The following WNK2 variants were observed in gnomAD, a reference collection of about 807,000 sequenced individuals.
WNK2 encodes the protein WNK lysine deficient protein kinase 2.
WNK2 carries 67 observed loss-of-function variants against 192.1 expected under a neutral mutation model. The ratio of observed to expected loss-of-function variants is 0.35; its 90% CI spans 0.29 to 0.43. The LOEUF (loss-of-function observed/expected upper bound fraction) is 0.43. Among genes scored for constraint, WNK2 ranks in the 20% least tolerant of loss-of-function variants. The probability of loss-of-function intolerance (pLI) is 1.00; values close to 1 mark genes in which losing one functional copy is unlikely to be tolerated. For synonymous variants in WNK2, 1,439 were observed against 1,393.9 expected (o/e 1.03, Z -0.72); for missense variants, 2,698 against 3,089.7 (o/e 0.87, Z 3.01).
chr9:93,219,539 G>A (rs1446388333), intron 2 of WNK2, among the ~76,000 whole-genome samples: 12 of 152,198 alleles, frequency 7.9e-5, no homozygotes, highest in South Asian at 4.1e-4. Flanking sequence ...CTTTTAGCTG[G>A]TGGTCTTCAT....
At chr9:93,205,729 G>C (rs1455785887) in intron 2 of WNK2, among the ~76,000 whole-genome samples, 1 of 152,240 alleles carries the variant, frequency 6.6e-6, no homozygotes, top group Non-Finnish European at 1.5e-5. Flanking sequence ...AGACGAAGCT[G>C]GGGGCAGCCT....
At chr9:93,185,742 T>G in intron 2 of WNK2, 132 bp downstream of exon 2, 1 of 1,065,888 alleles carries the variant, frequency 9.4e-7, no homozygotes, top group East Asian at 2.6e-5. Flanking sequence ...TGTCACCCTC[T>G]GTGTGGATGG....
chr9:93,297,014 C>T (rs1850672586), intron 23 of WNK2, among the ~76,000 whole-genome samples: 1 of 122,686 alleles, frequency 8.2e-6, no homozygotes, highest in Non-Finnish European at 1.7e-5. Flanking sequence ...CCTCCCCTCC[C>T]CATCCACCCC....
chr9:93,248,006 C>G (rs1842030404), intron 8 of WNK2, among the ~76,000 whole-genome samples, 172 bp downstream of exon 8: 1 of 152,256 alleles, frequency 6.6e-6, no homozygotes, highest in Non-Finnish European at 1.5e-5. Context: ...GAGCTGTCCT[C>G]ACGTAGCGTG....
intron 2 of WNK2, among the ~76,000 whole-genome samples, chr9:93,224,156 G>C (rs1381420184): frequency 6.6e-6 from 1 of 152,224 alleles, no homozygotes; most frequent in African/African-American, 2.4e-5. Context: ...AGCCTCACTG[G>C]TTCTGGGCAC....
chr9:93,201,382 C>T (rs1832325226), intron 2 of WNK2, among the ~76,000 whole-genome samples: 1 of 152,218 alleles, frequency 6.6e-6, no homozygotes, highest in East Asian at 1.9e-4. Context: ...CAGCTTGAGG[C>T]CCCTGCGTGC....
At chr9:93,238,813 G>A (rs550670818) in intron 6 of WNK2, among the ~76,000 whole-genome samples, 8 of 152,224 alleles carry the variant, frequency 5.3e-5, no homozygotes, top group African/African-American at 9.6e-5. Context: ...GCCTGGAACC[G>A]CTCCACAAAG....
chr9:93,189,776 G>A (rs966842020), intron 2 of WNK2, among the ~76,000 whole-genome samples: 6 of 152,252 alleles, frequency 3.9e-5, no homozygotes, highest in African/African-American at 1.4e-4. Context: ...CATGTCATGG[G>A]CCACGCAGCC....
At position 93,289,982 on chromosome 9, in the gene WNK2, A is replaced by G; in HGVS notation, c.4871A>G (p.Glu1624Gly). 3 of 1,570,692 alleles carry G rather than the reference A, an allele frequency of 1.9e-6. No homozygotes were observed. The highest frequency in any genetic ancestry group is 2.6e-6 in the Non-Finnish European group (3 of 1,156,888). Residue 1624 changes from glutamate to glycine, a missense_variant, in exon 21 of 30, where the codon GAG (glutamate) becomes GGG (glycine). Transcript: ENST00000427277. ...TTTTTGTGTTTCTTTCTCCAGGTGG[A>G]GAAGTCAGAACTGGCCCCCACTCGA... ...GRVQLPQPLV[E>G]KSELAPTRGA...
At chr9:93,319,473 C>T (rs1855246579) in intron 29 of WNK2, 4 of 942,626 alleles carry the variant, frequency 4.2e-6, no homozygotes, top group Non-Finnish European at 5.1e-6. Flanking sequence ...CTCTGCTGGT[C>T]GGGTTAGCTG....
rs1288387856 is a variant in WNK2, at chr9:93,292,506, G to C, written c.5041G>C (p.Val1681Leu). The C allele has an allele frequency of 6.3e-7, 1 of 1,596,182 alleles. No homozygotes were observed. The highest frequency in any genetic ancestry group is 1.7e-5 in the Admixed American group (1 of 59,008). The change falls in exon 23 of 30, where the codon GTG becomes CTG. Residue 1681 changes from valine (V) to leucine (L), a missense_variant. Physicochemically the swap from Val to Leu is conservative, Grantham distance 32. This residue lies in a region of WNK2 where 1,098 missense variants were observed against 1,101.0 expected (regional missense o/e 1.00). Transcript: ENST00000427277. ...GTTTCCCAAGGATGTACCTGCTTTT[G>C]TGAGACCTGCACGTGTGGAGCCCAC... ...PSVPQDVPAF[V>L]RPARVEPTDR...
intron 19 of WNK2, among the ~76,000 whole-genome samples, chr9:93,285,010 G>T (rs541789664): frequency 3.9e-5 from 6 of 152,298 alleles, no homozygotes; most frequent in African/African-American, 1.4e-4. Flanking sequence ...CTGAATGATT[G>T]TTCTGATCAA....
chr9:93,197,059 C>T (rs948390357), intron 2 of WNK2, among the ~76,000 whole-genome samples: 2 of 152,212 alleles, frequency 1.3e-5, no homozygotes, highest in Admixed American at 6.5e-5. Context: ...AAAGCTTTTT[C>T]CTCTCTGCCA....
chr9:93,306,872 C>T, intron 27 of WNK2, 51 bp downstream of exon 27: 1 of 1,612,794 alleles, frequency 6.2e-7, no homozygotes, highest in Non-Finnish European at 8.5e-7. Flanking sequence ...CATGGGCTTT[C>T]TCGTGGCTAG....
chr9:93,314,407 C>G (rs746474593), intron 28 of WNK2, among the ~76,000 whole-genome samples: 47 of 151,356 alleles, frequency 3.1e-4, no homozygotes, highest in Non-Finnish European at 6.3e-4. Context: ...GAGATAGTGC[C>G]ACTGCACTCC....
chr9:93,209,196 G>C, intron 2 of WNK2, among the ~76,000 whole-genome samples: 1 of 152,128 alleles, frequency 6.6e-6, no homozygotes, highest in Non-Finnish European at 1.5e-5. Context: ...AGGTAGGTGC[G>C]AGCACCTGGC....
chr9:93,234,362 A>T (rs573758105), intron 4 of WNK2, among the ~76,000 whole-genome samples: 1 of 152,206 alleles, frequency 6.6e-6, no homozygotes, highest in African/African-American at 2.4e-5. Context: ...TGGGACATTT[A>T]GGGGTTTTGT....
chr9:93,207,535 G>C (rs1364444127), intron 2 of WNK2, among the ~76,000 whole-genome samples: 1 of 152,340 alleles, frequency 6.6e-6, no homozygotes, highest in East Asian at 1.9e-4. Flanking sequence ...CAGGCTGGTT[G>C]GTTTGCGAGC....
Position 93,259,292 on chromosome 9 carries a change from C to T in WNK2, c.2744C>T (p.Ala915Val). 3 of 1,613,714 alleles carry T rather than the reference C, an allele frequency of 1.9e-6. No homozygotes were observed. The highest frequency in any genetic ancestry group is 2.5e-6 in the Non-Finnish European group (3 of 1,179,814). ...QLPGQPVYPAAFPQMAPTDVP... is the reference protein window; with the variant it reads ...QLPGQPVYPAVFPQMAPTDVP... Reference sequence around the variant, plus strand: ...CCAGGCCAACCTGTGTACCCAGCGGCCTTCCCACAGATGGCGCCTACTGAC... The same window carrying T: ...CCAGGCCAACCTGTGTACCCAGCGGTCTTCCCACAGATGGCGCCTACTGAC... Residue 915 changes from alanine to valine, a missense_variant, in exon 12 of 30, where the codon GCC becomes GTC. Coordinates refer to ENST00000427277, the MANE Select transcript of WNK2 (RefSeq NM_006648.4). The surrounding 1 kb of genome is among the most constrained non-coding windows in gnomAD (Gnocchi z 4.8).
Sources: gnomAD v4.1 joint callset for allele counts (sites outside exome capture counted in the v4.1 genomes callset) on GRCh38, gnomAD v4.1.1 for gene constraint, gnomAD v4.1.1 regional missense constraint, Gnocchi (gnomAD v3.1) non-coding constraint, MANE v1.5 for transcripts, NCBI Gene and HGNC (gene_info 2026-07-23, HGNC 2026-07-21) for gene names.